Variants in RTN4RL1 observed in about 807,000 individuals in gnomAD.
RTN4RL1 encodes reticulon-4 receptor-like 1.
A neutral mutation model predicts 25.6 loss-of-function variants in RTN4RL1; 7 were observed. That is an observed-to-expected ratio of 0.27 (90% CI 0.16 to 0.51). The LOEUF (loss-of-function observed/expected upper bound fraction) is 0.51, where lower values mean the gene tolerates loss of function less well. Ranked by LOEUF, RTN4RL1 falls within the 20% of genes least tolerant of loss-of-function variation. The probability of loss-of-function intolerance (pLI) is 0.97; values close to 1 mark genes in which losing one functional copy is unlikely to be tolerated. For missense variants in RTN4RL1, 500 were observed against 615.6 expected (o/e 0.81, Z 1.99); for synonymous variants, 297 against 288.2 (o/e 1.03, Z -0.31).
At position 1,936,301 on chromosome 17, in the gene RTN4RL1, A is replaced by T. The variant is rs779851405; in HGVS notation, c.*195T>A. 14 of 1,376,618 alleles carry T rather than the reference A, an allele frequency of 1.0e-5. No homozygotes were observed. Among genetic ancestry groups the T allele is most frequent in the Non-Finnish European group, 1.3e-5 (14 of 1,072,510 alleles). The allele number at this position is 1,376,618 out of a possible 1,614,324, so 85.3% of individuals were successfully genotyped here. A position where few individuals can be genotyped will look rare whatever the true frequency, so the allele number is the denominator to read the frequency against. ...CTGGGACAGCCGGCTGAGAAGCGCC[A>T]CCCCCTCCCGCCTAGGGCTGTACAC... On this transcript the variant is annotated 3_prime_UTR_variant, in exon 2 of 2. Transcript: ENST00000331238.
chr17:1,961,378 G>A (rs1434163951), intron 1 of RTN4RL1, among the ~76,000 whole-genome samples: 1 of 152,220 alleles, frequency 6.6e-6, no homozygotes, highest in Non-Finnish European at 1.5e-5. Context: ...GCGGAGGCCT[G>A]GAGGCGCGAG....
intron 1 of RTN4RL1, among the ~76,000 whole-genome samples, chr17:1,995,263 T>C (rs548326654): frequency 6.6e-6 from 1 of 151,942 alleles, no homozygotes; most frequent in Non-Finnish European, 1.5e-5. Flanking sequence ...CCGTCTCTAC[T>C]AAAAATACAA....
At chr17:1,968,020 G>A (rs140606335) in intron 1 of RTN4RL1, among the ~76,000 whole-genome samples, 3 of 151,992 alleles carry the variant, frequency 2.0e-5, no homozygotes, top group Non-Finnish European at 4.4e-5. Flanking sequence ...TTGACACAAC[G>A]CCCACCCGGG....
chr17:1,935,582 T>C lies in RTN4RL1; in HGVS notation c.*914A>G. 1 of 985,350 alleles carries C rather than the reference T, an allele frequency of 1.0e-6. No individual in the cohort carries two copies. The highest frequency in any genetic ancestry group is 4.7e-5 in the South Asian group (1 of 21,278). 61.0% of individuals were successfully genotyped at this position (985,350 alleles called of 1,614,324 possible). On this transcript the variant is annotated 3_prime_UTR_variant, in exon 2 of 2. Transcript: ENST00000331238. ...AGTTTGGGATTCTAGACAAAAATTC[T>C]ATCACTTTGTTTTTGCTAGAAATCA...
chr17:1,970,876 C>A (rs888551680), intron 1 of RTN4RL1, among the ~76,000 whole-genome samples: 4 of 152,074 alleles, frequency 2.6e-5, no homozygotes, highest in African/African-American at 9.7e-5. Flanking sequence ...AATCAGGGAC[C>A]CCTTAAGGAA....
intron 1 of RTN4RL1, among the ~76,000 whole-genome samples, chr17:1,976,151 A>G (rs533442833): frequency 1.3e-5 from 2 of 152,340 alleles, no homozygotes; most frequent in Middle Eastern, 3.4e-3. Context: ...TTGATAGGCA[A>G]TGATGGACTA....
At chr17:1,954,996 C>A (rs1915761562) in intron 1 of RTN4RL1, among the ~76,000 whole-genome samples, 1 of 152,174 alleles carries the variant, frequency 6.6e-6, no homozygotes, top group Non-Finnish European at 1.5e-5. Flanking sequence ...AGGATTTCTC[C>A]TCACTGGCTG....
Position 2,002,360 on chromosome 17 carries a change from T to C in RTN4RL1, c.13+22493A>G, listed in dbSNP as rs537371557. 1.4e-4 allele frequency among the ~76,000 whole-genome samples: 21 copies of C among 151,210 alleles called. No individual in the cohort carries two copies. In the South Asian group the frequency reaches 4.4e-3, roughly 32 times the overall value. The stretch of plus-strand genomic sequence containing the variant: ...CAGGCTGGAGTGCAGTGGCGCGATC[T>C]CGGCTCACTGCAAGCTCCGCCTCCC... On this transcript the variant is annotated intron_variant, in intron 1 of 1. Coordinates refer to ENST00000331238, the MANE Select transcript of RTN4RL1 (RefSeq NM_178568.4).
At chr17:1,955,827 G>A (rs776617588) in intron 1 of RTN4RL1, among the ~76,000 whole-genome samples, 12 of 151,490 alleles carry the variant, frequency 7.9e-5, no homozygotes, top group Middle Eastern at 3.4e-3. Flanking sequence ...CAAGTGATCC[G>A]CCCGCCTCAG....
chr17:1,973,135 G>A (rs1214682304), intron 1 of RTN4RL1, among the ~76,000 whole-genome samples: 1 of 152,146 alleles, frequency 6.6e-6, no homozygotes, highest in African/African-American at 2.4e-5. Flanking sequence ...CGCTGAGGCA[G>A]GCACATCACT....
intron 1 of RTN4RL1, among the ~76,000 whole-genome samples, chr17:1,946,721 CTGTGTGAATA>C (rs1915553050): frequency 7.5e-6 from 1 of 133,042 alleles, no homozygotes; most frequent in Admixed American, 8.0e-5. Context: ...GTGTGTGTCT[CTGTGTGAATA>C]TGTGTGTGCA....
chr17:1,950,160 G>A (rs958378654), intron 1 of RTN4RL1, among the ~76,000 whole-genome samples: 1 of 152,160 alleles, frequency 6.6e-6, no homozygotes, highest in Non-Finnish European at 1.5e-5. Flanking sequence ...GGGTGAGTTG[G>A]GGGGGAGCAA....
chr17:2,004,293 G>A (rs113448049), intron 1 of RTN4RL1, among the ~76,000 whole-genome samples: 2 of 148,786 alleles, frequency 1.3e-5, no homozygotes, highest in African/African-American at 5.0e-5. Context: ...ATGTGAACCT[G>A]GGAGGCGGAA....
At position 1,982,792 on chromosome 17, in the gene RTN4RL1, C is replaced by T. The variant is rs147471895; in HGVS notation, c.13+42061G>A. On this transcript the variant is annotated intron_variant, in intron 1 of 1. Coordinates refer to ENST00000331238, the MANE Select transcript of RTN4RL1 (RefSeq NM_178568.4). ...CCCTGAAAATGGAGTGAGGAAAGTT[C>T]GACAACTTGCTGACCCAGAGGAAGG... Among the ~76,000 whole-genome samples the T allele has an allele frequency of 3.3e-3, 499 of 152,226 alleles. 5 individuals are homozygous for T. Among genetic ancestry groups the T allele is most frequent in the African/African-American group, 0.011 (468 of 41,534 alleles).
In RTN4RL1 at chr17:1,936,560, G is replaced by A. The variant is rs184673082; in HGVS notation, c.1262C>T (p.Ser421Leu). 141 of 1,562,138 alleles carry A rather than the reference G, an allele frequency of 9.0e-5. No individual in the cohort carries two copies. In the East Asian group the frequency reaches 1.7e-3, roughly 19 times the overall value. ...GAGGGAGGCCCCCAGGGAACTGGCC[G>A]AGGAGGCCTGCTGCACCCCGCTGGG... ...RAPSGVQQASSASSLGASLLA... is the reference protein window; with the variant it reads ...RAPSGVQQASLASSLGASLLA... The change falls in exon 2 of 2, where the codon TCG (serine) becomes TTG (leucine). Residue 421 changes from serine (S) to leucine (L), a missense_variant. By Grantham distance (145) the Ser-to-Leu change is moderately radical. Coordinates refer to ENST00000331238, the MANE Select transcript of RTN4RL1 (RefSeq NM_178568.4).
intron 1 of RTN4RL1, among the ~76,000 whole-genome samples, chr17:1,959,716 C>T (rs1261045532): frequency 6.6e-6 from 1 of 152,156 alleles, no homozygotes; most frequent in Non-Finnish European, 1.5e-5. Flanking sequence ...AGGCACCCGC[C>T]ACCACGCCCA....
chr17:2,024,807 T>G (rs1451245418), intron 1 of RTN4RL1, 46 bp downstream of exon 1: 4 of 1,548,846 alleles, frequency 2.6e-6, no homozygotes, highest in East Asian at 2.5e-5. Context: ...CGCGGCTCTT[T>G]CCGGAGCGCA....
chr17:1,951,863 T>G (rs934648933), intron 1 of RTN4RL1, among the ~76,000 whole-genome samples: 1 of 152,190 alleles, frequency 6.6e-6, no homozygotes, highest in Admixed American at 6.5e-5. Context: ...TGGAGGCCAC[T>G]GGAAAGTTCC....
At chr17:2,012,852 G>A (rs188936536) in intron 1 of RTN4RL1, among the ~76,000 whole-genome samples, 1 of 151,128 alleles carries the variant, frequency 6.6e-6, no homozygotes, top group African/African-American at 2.4e-5. Context: ...GGAGTGAAGT[G>A]GCATGATCTC....
Sources: allele counts gnomAD v4.1 joint callset (sites outside exome capture counted in the v4.1 genomes callset), GRCh38; gene constraint gnomAD v4.1.1; transcripts MANE v1.5; gene names NCBI Gene and HGNC (gene_info 2026-07-23, HGNC 2026-07-21).